The following DNTTIP2 variants were observed in gnomAD, a reference collection of about 807,000 sequenced individuals.
The protein encoded by DNTTIP2 is deoxynucleotidyltransferase terminal-interacting protein 2.
In DNTTIP2, 47 loss-of-function variants were observed where a neutral mutation model predicts 62.4. The ratio of observed to expected loss-of-function variants is 0.75; its 90% CI spans 0.60 to 0.96. DNTTIP2 has a LOEUF of 0.96. DNTTIP2 is among the 40% of genes least tolerant of loss of function. The pLI, the probability that DNTTIP2 is intolerant of heterozygous loss-of-function variation, is 0.00. For synonymous variants in DNTTIP2, 322 were observed against 300.9 expected, an observed-to-expected ratio of 1.07 and a Z score of -0.73; for missense variants, 870 against 849.1, an observed-to-expected ratio of 1.02 and a Z score of -0.31.
chr1:93,872,262 C>T, intron 4 of DNTTIP2, 26 bp from the exon 5 acceptor site: 12 of 1,609,430 alleles, frequency 7.5e-6, no homozygotes, highest in Non-Finnish European at 1.0e-5. Context: ...CAAAAATAAA[C>T]ATTCTAACAG....
In DNTTIP2 at chr1:93,876,697, TTCATG is replaced by T. The variant is rs544151323; in HGVS notation, c.1233_1237del (p.Asp411GlufsTer3). ...TTCAAAATCTACATTCCCTTCACTGTTCATGTCTTCACTGACACTTATAACTGTGG... is the reference window on the plus strand; with the variant it reads ...TTCAAAATCTACATTCCCTTCACTGTTCTTCACTGACACTTATAACTGTGG... On this transcript the variant is annotated frameshift_variant, in exon 2 of 7. Transcript: ENST00000436063. LOFTEE classifies it high-confidence loss of function. 2.5e-6 allele frequency: 4 copies of T among 1,613,906 alleles called. No individual in the cohort carries two copies. The highest frequency in any genetic ancestry group is 3.4e-6 in the Non-Finnish European group (4 of 1,179,896).
chr1:93,879,006 C>T, intron 1 of DNTTIP2, 71 bp downstream of exon 1: 4 of 1,583,158 alleles, frequency 2.5e-6, no homozygotes, highest in Middle Eastern at 3.4e-4. Context: ...TAACCGGACC[C>T]TTGCGCCGCC....
At position 93,866,762 on chromosome 1, in the gene DNTTIP2, G is replaced by C. The variant is rs1557715798; in HGVS notation, c.*3089C>G. The C allele has an allele frequency of 1.3e-5, 2 of 152,168 alleles. No homozygotes were observed. The highest frequency in any genetic ancestry group is 2.4e-5 in the African/African-American group (1 of 41,440). The allele number at this position is 152,168 out of a possible 1,614,324, so 9.4% of individuals were successfully genotyped here. A position where few individuals can be genotyped will look rare whatever the true frequency, so the allele number is the denominator to read the frequency against. The stretch of plus-strand genomic sequence containing the variant: ...TTGGTTTATCATACAGCAGAACACT[G>C]AACACAGAACTGATTGTGTTGGATG... On this transcript the variant is annotated 3_prime_UTR_variant, in exon 7 of 7. Coordinates refer to ENST00000436063, the MANE Select transcript of DNTTIP2 (RefSeq NM_014597.5).
At chr1:93,871,866 C>T (rs1655870778) in intron 5 of DNTTIP2, among the ~76,000 whole-genome samples, 1 of 152,178 alleles carries the variant, frequency 6.6e-6, no homozygotes, top group Non-Finnish European at 1.5e-5. Flanking sequence ...CCATTTGTAA[C>T]ACCATCTCTC....
chr1:93,872,315 T>A, intron 4 of DNTTIP2, 79 bp from the exon 5 acceptor site: 1 of 1,391,482 alleles, frequency 7.2e-7, no homozygotes, highest in Non-Finnish European at 9.7e-7. Flanking sequence ...AAGTAACACA[T>A]ACAGAAAATT....
In DNTTIP2 at chr1:93,869,725, A is replaced by G. The variant is rs778480292; in HGVS notation, c.*126T>C. 46 of 602,224 alleles carry G rather than the reference A, an allele frequency of 7.6e-5. No individual in the cohort carries two copies. The highest frequency in any genetic ancestry group is 1.4e-4 in the Non-Finnish European group (46 of 329,462). 37.3% of individuals were successfully genotyped at this position (602,224 alleles called of 1,614,324 possible). On this transcript the variant is annotated 3_prime_UTR_variant, in exon 7 of 7. Transcript: ENST00000436063. Reference sequence around the variant, plus strand: ...ATTCTCAAATCAACTTTTTCCAAATACAAATTCCTGTATGAACAGGGCCAG... The same window carrying G: ...ATTCTCAAATCAACTTTTTCCAAATGCAAATTCCTGTATGAACAGGGCCAG...
chr1:93,878,671 G>A (rs940189957), intron 1 of DNTTIP2: 2 of 163,004 alleles, frequency 1.2e-5, no homozygotes, highest in African/African-American at 4.8e-5. Flanking sequence ...CACGCCTTAA[G>A]GAGGTGATGC....
chr1:93,871,982 C>T lies in DNTTIP2; in HGVS notation c.2067+90G>A, dbSNP rs1000148046. On this transcript the variant is annotated intron_variant, in intron 5 of 6. Transcript: ENST00000436063. ...ATTAGGCATGCACAATGGAAATATCCTCTATTTTAGGAGTAAACTTTAAAG... is the reference window on the plus strand; with the variant it reads ...ATTAGGCATGCACAATGGAAATATCTTCTATTTTAGGAGTAAACTTTAAAG... 13 of 1,407,198 alleles carry T rather than the reference C, an allele frequency of 9.2e-6. No individual in the cohort carries two copies. In the East Asian group the frequency reaches 2.3e-4, roughly 25 times the overall value. The allele number at this position is 1,407,198 out of a possible 1,614,324, so 87.2% of individuals were successfully genotyped here. A position where few individuals can be genotyped will look rare whatever the true frequency, so the allele number is the denominator to read the frequency against.
chr1:93,875,894 T>C, intron 2 of DNTTIP2, 111 bp from the exon 3 acceptor site: 1 of 1,115,386 alleles, frequency 9.0e-7, no homozygotes, highest in Non-Finnish European at 1.2e-6. Context: ...TTGTCCACAA[T>C]AAAGAAAAAA....
intron 1 of DNTTIP2, among the ~76,000 whole-genome samples, chr1:93,878,298 C>T (rs918016294): frequency 1.2e-4 from 18 of 151,986 alleles, no homozygotes. Flanking sequence ...AGCAAGACTC[C>T]GAATCAAAAA....
In DNTTIP2 at chr1:93,879,086, G is replaced by T; in HGVS notation, c.63C>A (p.Ser21=). 6.2e-7 allele frequency: 1 copy of T among 1,613,670 alleles called. No homozygotes were observed. Among genetic ancestry groups the T allele is most frequent in the Non-Finnish European group, 8.5e-7 (1 of 1,179,870 alleles). Residue 21 remains serine (S), a synonymous_variant, in exon 1 of 7, where the codon TCC becomes TCA. Coordinates refer to ENST00000436063, the MANE Select transcript of DNTTIP2 (RefSeq NM_014597.5). ...AGACTGGATTTCCTACCTTTTGCCC[G>T]GAACTTTCAGCCGACGCGGCTTGGA... ...ASIQAASAES[S]GQKSFAANGI...
At position 93,877,315 on chromosome 1, in the gene DNTTIP2, T is replaced by G. The variant is rs1293870123; in HGVS notation, c.620A>C (p.Gln207Pro). ...TTCAGTTTGTGCCTTTAATTTCCTC[T>G]GCATACTCCTGGTTCTTCTAGTTGC... ...GIATRRTRSM[Q>P]RKLKAQTEKK... Residue 207 changes from glutamine (Q) to proline (P), a missense_variant, in exon 2 of 7, where the codon CAG becomes CCG. By Grantham distance (76) the Gln-to-Pro change is moderately conservative (BLOSUM62 -1). Coordinates refer to ENST00000436063, the MANE Select transcript of DNTTIP2 (RefSeq NM_014597.5). 4 of 1,613,408 alleles carry G rather than the reference T, an allele frequency of 2.5e-6. No individual in the cohort carries two copies. The highest frequency in any genetic ancestry group is 3.3e-5 in the Admixed American group (2 of 59,938).
chr1:93,872,473 AT>A (rs1487775481), intron 4 of DNTTIP2, among the ~76,000 whole-genome samples: 1 of 152,178 alleles, frequency 6.6e-6, no homozygotes, highest in African/African-American at 2.4e-5. Context: ...CGTAAAATCT[AT>A]TTTCTGTCTC....
Position 93,870,677 on chromosome 1 carries a change from C to T in DNTTIP2, c.2177+6G>A, listed in dbSNP as rs891933474. The T allele has an allele frequency of 6.7e-7, 1 of 1,491,242 alleles. No individual in the cohort carries two copies. The highest frequency in any genetic ancestry group is 1.3e-5 in the South Asian group (1 of 76,130). 92.4% of individuals were successfully genotyped at this position (1,491,242 alleles called of 1,614,324 possible). On this transcript the variant is annotated splice_donor_region_variant and intron_variant, in intron 6 of 6. Coordinates refer to ENST00000436063, the MANE Select transcript of DNTTIP2 (RefSeq NM_014597.5). ...CATATTATAAAATAAATATGAATTC[C>T]TTTACCTTCTGAATTCAGAATCAGC...
rs1408116718 is a variant in DNTTIP2 at position 93,868,593 on chromosome 1, A to G, written c.*1258T>C. ...TTCACAATAGAAAAGACTTGGAACC[A>G]ACCCAAATGCCCATGAATGATAGAC... On this transcript the variant is annotated 3_prime_UTR_variant, in exon 7 of 7. Transcript: ENST00000436063. 1 of 152,256 alleles carries G rather than the reference A, an allele frequency of 6.6e-6. No individual in the cohort carries two copies. Among genetic ancestry groups the G allele is most frequent in the Non-Finnish European group, 1.5e-5 (1 of 68,060 alleles). The allele number at this position is 152,256 out of a possible 1,614,324, so 9.4% of individuals were successfully genotyped here. A position where few individuals can be genotyped will look rare whatever the true frequency, so the allele number is the denominator to read the frequency against.
intron 5 of DNTTIP2, among the ~76,000 whole-genome samples, chr1:93,871,702 G>C (rs570905741): frequency 5.9e-5 from 9 of 152,132 alleles, no homozygotes; most frequent in Non-Finnish European, 1.0e-4. Context: ...GGTGTAACAC[G>C]AACAGATGAA....
chr1:93,875,528 A>G, intron 3 of DNTTIP2, 117 bp downstream of exon 3: 2 of 1,008,740 alleles, frequency 2.0e-6, no homozygotes, highest in South Asian at 3.9e-5. Context: ...AGAAGGAAAA[A>G]ACTAACACAT....
In DNTTIP2 at chr1:93,877,866, C is replaced by A. The variant is rs369800136; in HGVS notation, c.73-4G>T. On this transcript the variant is annotated splice_polypyrimidine_tract_variant and splice_region_variant and intron_variant, in intron 1 of 6. Coordinates refer to ENST00000436063, the MANE Select transcript of DNTTIP2 (RefSeq NM_014597.5). ...GAATCCCATTAGCAGCAAAACTCTGCAAACCAGAGAAAACACACTGTAATT... is the reference window on the plus strand; with the variant it reads ...GAATCCCATTAGCAGCAAAACTCTGAAAACCAGAGAAAACACACTGTAATT... 2 of 1,596,864 alleles carry A rather than the reference C, an allele frequency of 1.3e-6. No individual in the cohort carries two copies. Among genetic ancestry groups the A allele is most frequent in the Admixed American group, 1.7e-5 (1 of 59,536 alleles).
At chr1:93,879,055 T>C in intron 1 of DNTTIP2, 22 bp downstream of exon 1, 15 of 1,612,834 alleles carry the variant, frequency 9.3e-6, no homozygotes, top group Middle Eastern at 3.3e-4. Context: ...CGGCGAGAAG[T>C]AGGGAAGACT....
Sources: allele counts gnomAD v4.1 joint callset (sites outside exome capture counted in the v4.1 genomes callset), GRCh38; gene constraint gnomAD v4.1.1; transcripts MANE v1.5; gene names NCBI Gene and HGNC (gene_info 2026-07-23, HGNC 2026-07-21).